AGTPBP1: variants seen among roughly 807,000 people sequenced by gnomAD.
AGTPBP1 encodes cytosolic carboxypeptidase 1.
AGTPBP1 carries 70 observed loss-of-function variants against 143.9 expected under a neutral mutation model. The observed-to-expected ratio is 0.49, with a 90% CI of 0.40 to 0.59. The LOEUF is 0.59. Among genes scored for constraint, AGTPBP1 ranks in the 20% least tolerant of loss-of-function variants. AGTPBP1 has a pLI of 0.00. For synonymous variants in AGTPBP1, 463 were observed against 500.2 expected (o/e 0.93, Z 0.99); for missense variants, 1,229 against 1,464.5 (o/e 0.84, Z 2.62).
intron 11 of AGTPBP1, 69 bp downstream of exon 11, chr9:85,655,074 A>T: frequency 1.4e-6 from 2 of 1,387,774 alleles, no homozygotes; most frequent in Non-Finnish European, 1.9e-6. Flanking sequence ...AGACATAAAT[A>T]AAAAGAAAAT....
rs770966759 is a variant in AGTPBP1 at position 85,704,040 on chromosome 9, G to C, written c.32+8462C>G. 2.0e-5 allele frequency among the ~76,000 whole-genome samples: 3 copies of C among 152,162 alleles called. No homozygotes were observed. The South Asian group carries it at 6.2e-4, about 32-fold the overall frequency. Reference sequence around the variant, plus strand: ...AGCAAAAATAAAATAAATCCACTAAGTTACCACCTGAAAACTAAAGGTGGC... The same window carrying C: ...AGCAAAAATAAAATAAATCCACTAACTTACCACCTGAAAACTAAAGGTGGC... On this transcript the variant is annotated intron_variant, in intron 2 of 25. Coordinates refer to ENST00000357081, the MANE Select transcript of AGTPBP1 (RefSeq NM_001330701.2).
intron 1 of AGTPBP1, among the ~76,000 whole-genome samples, chr9:85,715,893 A>G (rs921181461): frequency 2.6e-5 from 4 of 152,222 alleles, no homozygotes; most frequent in African/African-American, 9.6e-5. Context: ...ATAAAAACTG[A>G]GCTCGAAATT....
Position 85,725,829 on chromosome 9 carries a change from T to C in AGTPBP1, c.-33-13263A>G, listed in dbSNP as rs189604581. Among the ~76,000 whole-genome samples, 128 of 152,052 alleles carry C rather than the reference T, an allele frequency of 8.4e-4. 1 individual carries two copies. The highest frequency in any genetic ancestry group is 1.7e-3 in the Non-Finnish European group (115 of 67,976). On this transcript the variant is annotated intron_variant, in intron 1 of 25. Transcript: ENST00000357081. ...GGGAGGCCAAGGCGGGCGAATCACC[T>C]GAAGTCAGGAGTTCGAGACCAGCCT...
At chr9:85,700,919 T>A (rs1026049933) in intron 2 of AGTPBP1, among the ~76,000 whole-genome samples, 4 of 150,282 alleles carry the variant, frequency 2.7e-5, no homozygotes, top group African/African-American at 7.3e-5. Flanking sequence ...CACACTATAC[T>A]TTTTTTTTTC....
chr9:85,650,172 C>T (rs1272159201), intron 11 of AGTPBP1, among the ~76,000 whole-genome samples: 3 of 149,184 alleles, frequency 2.0e-5, no homozygotes, highest in African/African-American at 7.4e-5. Context: ...ATTGCATATT[C>T]AATTTCAAAT....
intron 7 of AGTPBP1, 56 bp from the exon 8 acceptor site, chr9:85,669,634 T>G: frequency 8.2e-7 from 1 of 1,212,786 alleles, no homozygotes; most frequent in Non-Finnish European, 1.2e-6. Flanking sequence ...ACCAAAAATG[T>G]GTATACTTAG....
chr9:85,705,494 T>C (rs558570520), intron 2 of AGTPBP1, among the ~76,000 whole-genome samples: 3 of 151,992 alleles, frequency 2.0e-5, no homozygotes, highest in South Asian at 2.1e-4. Context: ...CTGGGCAACA[T>C]AGCAAGACAT....
chr9:85,682,915 T>G (rs1188496824), intron 3 of AGTPBP1, among the ~76,000 whole-genome samples: 1 of 152,198 alleles, frequency 6.6e-6, no homozygotes, highest in Non-Finnish European at 1.5e-5. Context: ...AGAAGGGACA[T>G]AGTATAATGT....
the AGTPBP1 span, among the ~76,000 whole-genome samples, chr9:85,764,518 A>G: frequency 3.9e-5 from 6 of 152,186 alleles, no homozygotes; most frequent in African/African-American, 1.4e-4. Flanking sequence ...GAACAAGAGC[A>G]AAACTCCATG....
intron 11 of AGTPBP1, among the ~76,000 whole-genome samples, chr9:85,652,807 C>T (rs1391185011): frequency 6.6e-6 from 1 of 152,162 alleles, no homozygotes; most frequent in Admixed American, 6.5e-5. Flanking sequence ...GTCAGACATA[C>T]AGGTAGTCCA....
the AGTPBP1 span, among the ~76,000 whole-genome samples, chr9:85,771,248 C>T: frequency 6.6e-6 from 1 of 151,992 alleles, no homozygotes; most frequent in Non-Finnish European, 1.5e-5. Context: ...GCCTGTAATC[C>T]CAGCACTTTG....
chr9:85,644,305 TAATAG>T (rs1832680446), intron 12 of AGTPBP1, among the ~76,000 whole-genome samples: 1 of 151,848 alleles, frequency 6.6e-6, no homozygotes, highest in Non-Finnish European at 1.5e-5. Flanking sequence ...TCTTAACATC[TAATAG>T]AATACATAAT....
intron 12 of AGTPBP1, among the ~76,000 whole-genome samples, chr9:85,645,023 T>A (rs1024089473): frequency 6.6e-6 from 1 of 151,752 alleles, no homozygotes; most frequent in Non-Finnish European, 1.5e-5. Flanking sequence ...ATAAAGAGAG[T>A]GGACATTCCA....
At chr9:85,641,371 TA>T (rs750057860) in intron 13 of AGTPBP1, among the ~76,000 whole-genome samples, 1 of 152,200 alleles carries the variant, frequency 6.6e-6, no homozygotes, top group Non-Finnish European at 1.5e-5. Flanking sequence ...ACAAATGTGT[TA>T]AAAGAGCTCA....
chr9:85,562,228 CAAA>C (rs71370872), intron 25 of AGTPBP1, among the ~76,000 whole-genome samples: 1 of 130,282 alleles, frequency 7.7e-6, no homozygotes, highest in Non-Finnish European at 1.7e-5. Flanking sequence ...AAAAGAAAGC[CAAA>C]AAAAAAAAAA....
At chr9:85,741,645 G>A in intron 1 of AGTPBP1, 130 bp downstream of exon 1, 1 of 1,245,032 alleles carries the variant, frequency 8.0e-7, no homozygotes. Context: ...TACACAACCC[G>A]TCAGGTAAGG....
At chr9:85,612,919 C>A (rs1291282751) in intron 17 of AGTPBP1, among the ~76,000 whole-genome samples, 5 of 151,248 alleles carry the variant, frequency 3.3e-5, no homozygotes, top group South Asian at 2.1e-4. Flanking sequence ...ATGTATGTTA[C>A]ATTATGTTGC....
At chr9:85,588,236 C>T (rs1318388776) in intron 21 of AGTPBP1, 62 bp downstream of exon 21, 1 of 1,322,408 alleles carries the variant, frequency 7.6e-7, no homozygotes, top group Non-Finnish European at 9.9e-7. Context: ...GTTATTTCAA[C>T]AAGTTTATAC....
the AGTPBP1 span, among the ~76,000 whole-genome samples, chr9:85,777,655 TA>T: frequency 1.3e-5 from 2 of 152,234 alleles, no homozygotes; most frequent in Non-Finnish European, 2.9e-5. Flanking sequence ...TCACTTGGGA[TA>T]CAAATATCTT....
Sources: allele counts gnomAD v4.1 joint callset (sites outside exome capture counted in the v4.1 genomes callset), GRCh38; gene constraint gnomAD v4.1.1; transcripts MANE v1.5; gene names NCBI Gene and HGNC (gene_info 2026-07-23, HGNC 2026-07-21).